Variants in AKR1C3 observed in about 807,000 individuals in gnomAD.
AKR1C3 encodes 3-alpha hydroxysteroid dehydrogenase, type II.
A neutral mutation model predicts 43.6 loss-of-function variants in AKR1C3; 48 were observed. The observed-to-expected ratio is 1.10, with a 90% CI of 0.87 to 1.40. The LOEUF (loss-of-function observed/expected upper bound fraction) is 1.40, where lower values mean the gene tolerates loss of function less well. Among genes scored for constraint, AKR1C3 ranks in the 40% most tolerant of loss-of-function variants. The probability of loss-of-function intolerance (pLI) is 0.00; values close to 1 mark genes in which losing one functional copy is unlikely to be tolerated. For synonymous variants in AKR1C3, 162 were observed against 139.6 expected (o/e 1.16, Z -1.13); for missense variants, 482 against 391.2 (o/e 1.23, Z -1.96).
At chr10:5,098,057 T>C (rs1839254418) in intron 3 of AKR1C3, 17 of 998,266 alleles carry the variant, frequency 1.7e-5, no homozygotes, top group Non-Finnish European at 2.0e-5. Flanking sequence ...ACAATAGAGT[T>C]TGAAGCTGTA....
intron 1 of AKR1C3, chr10:5,048,919 G>C (rs1554778656): frequency 6.2e-7 from 1 of 1,601,622 alleles, no homozygotes; most frequent in South Asian, 1.1e-5. Context: ...TTTTGGTGCA[G>C]AGAGTTGAAA....
intron 1 of AKR1C3, among the ~76,000 whole-genome samples, chr10:5,068,722 G>A (rs1457623372): frequency 1.3e-5 from 2 of 152,160 alleles, no homozygotes; most frequent in Non-Finnish European, 2.9e-5. Flanking sequence ...GGACTCAGGG[G>A]GATCTTCAGG....
rs200415072 is a variant in AKR1C3 at position 5,107,314 on chromosome 10, G to A, written c.930-147G>A. 1.8e-4 allele frequency: 115 copies of A among 624,324 alleles called. No homozygotes were observed. In the East Asian group the frequency reaches 3.1e-3, roughly 17 times the overall value. The allele number at this position is 624,324 out of a possible 1,614,324, so 38.7% of individuals were successfully genotyped here. ...TATTTTGAAAATACTGTATTATGAAGCCATGTTCATAAAGGTAAGAAAGGC... is the reference window on the plus strand; with the variant it reads ...TATTTTGAAAATACTGTATTATGAAACCATGTTCATAAAGGTAAGAAAGGC... On this transcript the variant is annotated intron_variant, in intron 8 of 8. Transcript: ENST00000380554.
chr10:5,076,963 G>T (rs1177351117), intron 1 of AKR1C3, among the ~76,000 whole-genome samples: 1 of 152,154 alleles, frequency 6.6e-6, no homozygotes, highest in Admixed American at 6.5e-5. Context: ...TTTGTATTTG[G>T]TTGTCTCACA....
At chr10:5,081,296 C>T (rs1319401723) in intron 1 of AKR1C3, among the ~76,000 whole-genome samples, 3 of 152,096 alleles carry the variant, frequency 2.0e-5, no homozygotes, top group Non-Finnish European at 4.4e-5. Flanking sequence ...TTGCTAAAAA[C>T]CTAGACATTC....
intron 1 of AKR1C3, among the ~76,000 whole-genome samples, chr10:5,084,570 G>C (rs1284971186): frequency 3.3e-5 from 5 of 152,104 alleles, no homozygotes; most frequent in South Asian, 2.1e-4. Flanking sequence ...GCTCTTTTTG[G>C]GTTCCATATG....
intron 1 of AKR1C3, among the ~76,000 whole-genome samples, chr10:5,070,124 C>T (rs2131802346): frequency 6.6e-6 from 1 of 152,266 alleles, no homozygotes; most frequent in Non-Finnish European, 1.5e-5. Context: ...TTTTCACTGG[C>T]CATAGCCAGA....
At chr10:5,072,939 G>T (rs1452747446) in intron 1 of AKR1C3, among the ~76,000 whole-genome samples, 1 of 152,024 alleles carries the variant, frequency 6.6e-6, no homozygotes, top group Admixed American at 6.6e-5. Context: ...TTGCAGCCTG[G>T]TTTAATGCTT....
intron 1 of AKR1C3, among the ~76,000 whole-genome samples, chr10:5,086,512 G>C (rs1401877855): frequency 6.6e-6 from 1 of 151,702 alleles, no homozygotes; most frequent in African/African-American, 2.4e-5. Context: ...GGTCAATTTT[G>C]GAGTAGGTGT....
intron 1 of AKR1C3, among the ~76,000 whole-genome samples, chr10:5,063,882 C>T (rs1158154066): frequency 2.0e-5 from 3 of 150,602 alleles, no homozygotes; most frequent in Non-Finnish European, 4.4e-5. Context: ...CTCTGTGAGG[C>T]AGCTCCATCA....
chr10:5,103,661 A>T (rs1839416133), intron 7 of AKR1C3, among the ~76,000 whole-genome samples: 1 of 152,192 alleles, frequency 6.6e-6, no homozygotes, highest in African/African-American at 2.4e-5. Context: ...ACTTCACCTC[A>T]GCACATGGCA....
At chr10:5,068,217 T>C (rs1838548675) in intron 1 of AKR1C3, among the ~76,000 whole-genome samples, 1 of 152,214 alleles carries the variant, frequency 6.6e-6, no homozygotes, top group Non-Finnish European at 1.5e-5. Flanking sequence ...ATTTGAATTT[T>C]AGAAATTCCA....
At chr10:5,082,109 T>A (rs1182304373) in intron 1 of AKR1C3, among the ~76,000 whole-genome samples, 2 of 152,310 alleles carry the variant, frequency 1.3e-5, no homozygotes, top group Admixed American at 1.3e-4. Context: ...TTTTACTGTC[T>A]AGATTGAGCT....
At chr10:5,071,250 C>G (rs1203803728) in intron 1 of AKR1C3, among the ~76,000 whole-genome samples, 3 of 152,184 alleles carry the variant, frequency 2.0e-5, no homozygotes, top group African/African-American at 7.2e-5. Context: ...AGCCTTCCTG[C>G]TGTGGTGCTC....
chr10:5,078,715 G>A (rs1349532176), intron 1 of AKR1C3, among the ~76,000 whole-genome samples: 1 of 152,160 alleles, frequency 6.6e-6, no homozygotes, highest in Non-Finnish European at 1.5e-5. Context: ...ATACATATAG[G>A]CAGGGCCCAG....
At position 5,058,128 on chromosome 10, in the gene AKR1C3, G is replaced by A. The variant is rs527394300; in HGVS notation, c.84+9233G>A. Among the ~76,000 whole-genome samples the A allele has an allele frequency of 7.9e-5, 12 of 152,248 alleles. No individual in the cohort carries two copies. In the South Asian group the frequency reaches 1.0e-3, roughly 13 times the overall value. ...TTTCTTTGCTTATTTCCTTCTGGGCGGGGGAGGTTAGAGGAGGATTATCAT... is the reference window on the plus strand; with the variant it reads ...TTTCTTTGCTTATTTCCTTCTGGGCAGGGGAGGTTAGAGGAGGATTATCAT... On this transcript the variant is annotated intron_variant, in intron 1 of 8. Coordinates refer to the AKR1C3 transcript ENST00000439082.
chr10:5,096,863 T>C (rs1288762640), intron 2 of AKR1C3, among the ~76,000 whole-genome samples: 1 of 152,158 alleles, frequency 6.6e-6, no homozygotes, highest in Non-Finnish European at 1.5e-5. Flanking sequence ...ACAATAATCA[T>C]GTTATGGTTT....
At chr10:5,095,918 A>ACTAGG (rs879961077) in intron 1 of AKR1C3, among the ~76,000 whole-genome samples, 4 of 152,088 alleles carry the variant, frequency 2.6e-5, no homozygotes, top group Admixed American at 2.6e-4. Flanking sequence ...GGTCGATGTA[A>ACTAGG]CTAGCATCCA....
At chr10:5,073,293 T>C (rs1352100394) in intron 1 of AKR1C3, among the ~76,000 whole-genome samples, 4 of 152,162 alleles carry the variant, frequency 2.6e-5, no homozygotes, top group Non-Finnish European at 4.4e-5. Flanking sequence ...AATTATTTTC[T>C]TTATTTTCTA....
Sources: allele counts gnomAD v4.1 joint callset (sites outside exome capture counted in the v4.1 genomes callset), GRCh38; gene constraint gnomAD v4.1.1; transcripts MANE v1.5; gene names NCBI Gene and HGNC (gene_info 2026-07-23, HGNC 2026-07-21).